Variants in CCDC33 observed in about 807,000 individuals in gnomAD.
CCDC33 encodes the protein coiled-coil domain-containing protein 33.
CCDC33 carries 94 observed loss-of-function variants against 91.9 expected under a neutral mutation model. The ratio of observed to expected loss-of-function variants is 1.02; its 90% CI spans 0.87 to 1.21. The LOEUF is 1.21. Ranked by LOEUF, CCDC33 falls within the 50% of genes most tolerant of loss-of-function variation. The probability of loss-of-function intolerance (pLI) is 0.00; values close to 1 mark genes in which losing one functional copy is unlikely to be tolerated. For missense variants in CCDC33, 940 were observed against 935.5 expected (o/e 1.00, Z -0.06); for synonymous variants, 396 against 374.5 (o/e 1.06, Z -0.66).
At chr15:74,249,254 A>T (rs2075628089) in intron 2 of CCDC33, among the ~76,000 whole-genome samples, 1 of 152,134 alleles carries the variant, frequency 6.6e-6, no homozygotes. Context: ...TGGGAGGCCG[A>T]GGCGGATGGA....
intron 9 of CCDC33, among the ~76,000 whole-genome samples, chr15:74,281,513 A>G (rs1596019581): frequency 6.6e-6 from 1 of 152,248 alleles, no homozygotes; most frequent in South Asian, 2.1e-4. Flanking sequence ...ACTTCTGGCC[A>G]TCCTGACATA....
intron 11 of CCDC33, among the ~76,000 whole-genome samples, chr15:74,328,617 G>A (rs1451735207): frequency 6.6e-6 from 1 of 152,212 alleles, no homozygotes; most frequent in Non-Finnish European, 1.5e-5. Context: ...AAGTGCTGGA[G>A]AGATGAACCT....
At chr15:74,258,764 G>A (rs547202777) in intron 2 of CCDC33, among the ~76,000 whole-genome samples, 3 of 152,198 alleles carry the variant, frequency 2.0e-5, no homozygotes, top group South Asian at 2.1e-4. Context: ...ATGCTTTTCC[G>A]ATGCTCATTT....
intron 1 of CCDC33, chr15:74,209,039 C>G: frequency 8.6e-7 from 1 of 1,160,672 alleles, no homozygotes; most frequent in Non-Finnish European, 1.1e-6. Context: ...CTGCTCCTCC[C>G]GGAAGGCAGC....
In CCDC33 at chr15:74,335,056, C is replaced by T; in HGVS notation, c.2107C>T (p.His703Tyr). 1 of 1,614,076 alleles carries T rather than the reference C, an allele frequency of 6.2e-7. No individual in the cohort carries two copies. The highest frequency in any genetic ancestry group is 8.5e-7 in the Non-Finnish European group (1 of 1,179,954). ...RLQEQEKGFRHPSNSIIIEQP... is the reference protein window; with the variant it reads ...RLQEQEKGFRYPSNSIIIEQP... ...GCAGGAGCAAGAAAAAGGTTTCAGG[C>T]ACCCCTCGAACTCCATCATCATAGA... The change falls in exon 18 of 19, where the codon CAC (histidine) becomes TAC (tyrosine). Residue 703 changes from histidine (H) to tyrosine (Y), a missense_variant. Transcript: ENST00000398814.
intron 1 of CCDC33, among the ~76,000 whole-genome samples, chr15:74,204,579 G>A (rs1270835441): frequency 6.6e-6 from 1 of 152,164 alleles, no homozygotes; most frequent in African/African-American, 2.4e-5. Flanking sequence ...TTCCAGACAG[G>A]GAGCCCACTC....
chr15:74,263,884 A>T (rs28711089), intron 3 of CCDC33, among the ~76,000 whole-genome samples: 7,811 of 151,984 alleles, frequency 0.051, 541 homozygotes, highest in African/African-American at 0.16. Flanking sequence ...GTATGTATAG[A>T]TCGTGTGTGT....
chr15:74,228,342 A>G (rs1239362279), intron 2 of CCDC33, among the ~76,000 whole-genome samples: 2 of 152,218 alleles, frequency 1.3e-5, no homozygotes, highest in South Asian at 2.1e-4. Context: ...TAAAATGAGG[A>G]TGATAACAAC....
intron 1 of CCDC33, among the ~76,000 whole-genome samples, chr15:74,238,269 G>A (rs183221263): frequency 2.4e-3 from 365 of 152,098 alleles, no homozygotes; most frequent in Non-Finnish European, 3.8e-3. Flanking sequence ...TTAACCAGGC[G>A]TGGTAGCGGG....
intron 2 of CCDC33, among the ~76,000 whole-genome samples, chr15:74,249,222 C>T (rs984504304): frequency 6.6e-6 from 1 of 152,100 alleles, no homozygotes; most frequent in African/African-American, 2.4e-5. Flanking sequence ...TGCAGCGGCT[C>T]ACACCTGTAA....
intron 11 of CCDC33, among the ~76,000 whole-genome samples, chr15:74,297,625 T>A (rs1309976270): frequency 6.6e-6 from 1 of 151,892 alleles, no homozygotes; most frequent in Non-Finnish European, 1.5e-5. Context: ...GCCTGGGAGG[T>A]CAAGGTTGCA....
chr15:74,272,951 C>T, intron 7 of CCDC33, 60 bp downstream of exon 7: 3 of 1,597,940 alleles, frequency 1.9e-6, no homozygotes, highest in Non-Finnish European at 2.6e-6. Context: ...TCACTGTTCA[C>T]TCACTCAGTG....
upstream of CCDC33, among the ~76,000 whole-genome samples, chr15:74,215,918 G>A (rs1326638701): frequency 1.3e-5 from 2 of 151,334 alleles, no homozygotes; most frequent in East Asian, 3.9e-4. Flanking sequence ...AAGAAAAAAA[G>A]TTGGAGGGAG....
At chr15:74,205,272 G>A (rs1365917468) in intron 1 of CCDC33, among the ~76,000 whole-genome samples, 1 of 152,176 alleles carries the variant, frequency 6.6e-6, no homozygotes, top group African/African-American at 2.4e-5. Context: ...CTGACTCTGG[G>A]TAACTTAGAA....
At chr15:74,245,292 G>T (rs1210299142) in intron 2 of CCDC33, among the ~76,000 whole-genome samples, 1 of 152,178 alleles carries the variant, frequency 6.6e-6, no homozygotes, top group Non-Finnish European at 1.5e-5. Flanking sequence ...TGCCCCCCCA[G>T]GGCCCCCACT....
At chr15:74,223,548 T>G (rs1053558305) in intron 2 of CCDC33, among the ~76,000 whole-genome samples, 1 of 152,036 alleles carries the variant, frequency 6.6e-6, no homozygotes, top group Non-Finnish European at 1.5e-5. Flanking sequence ...TATATTAATC[T>G]CTCTCTTAAC....
intron 11 of CCDC33, among the ~76,000 whole-genome samples, chr15:74,311,294 C>T (rs28522902): frequency 2.0e-5 from 3 of 152,094 alleles, no homozygotes; most frequent in Admixed American, 1.3e-4. Context: ...CCCCTCCACA[C>T]CCCCTACCCC....
chr15:74,217,165 G>A (rs1319363225), upstream of CCDC33: 1 of 762,586 alleles, frequency 1.3e-6, no homozygotes, highest in Non-Finnish European at 1.8e-6. Context: ...AGAGGTGGGT[G>A]GGGAGTGTCC....
intron 6 of CCDC33, 112 bp downstream of exon 6, chr15:74,271,906 T>TA: frequency 1.2e-6 from 1 of 838,600 alleles, no homozygotes; most frequent in Non-Finnish European, 1.9e-6. Context: ...GCAACCCCTC[T>TA]ACCCCTAAGG....
Sources: gnomAD v4.1 joint callset for allele counts (sites outside exome capture counted in the v4.1 genomes callset) on GRCh38, gnomAD v4.1.1 for gene constraint, MANE v1.5 for transcripts, NCBI Gene and HGNC (gene_info 2026-07-23, HGNC 2026-07-21) for gene names.